The following NUFIP1 variants were observed in gnomAD, a reference collection of about 807,000 sequenced individuals.
The protein encoded by NUFIP1 is FMR1-interacting protein NUFIP1.
In NUFIP1, 38 loss-of-function variants were observed where a neutral mutation model predicts 56.2. That is an observed-to-expected ratio of 0.68 (90% CI 0.52 to 0.89). The LOEUF is 0.89. Ranked by LOEUF, NUFIP1 falls within the 40% of genes least tolerant of loss-of-function variation. NUFIP1 has a pLI of 0.00. For synonymous variants in NUFIP1, 215 were observed against 212.4 expected, an observed-to-expected ratio of 1.01 and a Z score of -0.10; for missense variants, 567 against 605.8, an observed-to-expected ratio of 0.94 and a Z score of 0.67.
intron 1 of NUFIP1, among the ~76,000 whole-genome samples, chr13:44,988,582 G>C (rs1872521594): frequency 6.6e-6 from 1 of 152,168 alleles, no homozygotes; most frequent in African/African-American, 2.4e-5. Flanking sequence ...CTACACAAGA[G>C]AGATAATATT....
intron 5 of NUFIP1, among the ~76,000 whole-genome samples, chr13:44,975,512 C>T (rs1222644389): frequency 5.3e-5 from 8 of 152,124 alleles, no homozygotes; most frequent in Non-Finnish European, 1.5e-5. Flanking sequence ...CCCATTTTCA[C>T]CTCCCAAATG....
intron 5 of NUFIP1, among the ~76,000 whole-genome samples, chr13:44,974,144 A>G (rs1871892471): frequency 1.3e-5 from 2 of 152,196 alleles, no homozygotes; most frequent in Non-Finnish European, 2.9e-5. Context: ...CAAAGAAAAT[A>G]CCCTAAACTT....
At chr13:44,979,375 C>A in intron 4 of NUFIP1, 109 bp from the exon 5 acceptor site, 2 of 792,444 alleles carry the variant, frequency 2.5e-6, no homozygotes, top group South Asian at 1.9e-5. Context: ...ATTTTAAAAC[C>A]AAGTAAGCAG....
In NUFIP1 at chr13:44,941,229, A is replaced by G; in HGVS notation, c.1465T>C (p.Ser489Pro). 6.3e-7 allele frequency: 1 copy of G among 1,599,632 alleles called. No individual in the cohort carries two copies. The highest frequency in any genetic ancestry group is 2.2e-5 in the East Asian group (1 of 44,684). The change falls in exon 10 of 10, where the codon TCT becomes CCT. Residue 489 changes from serine to proline, a missense_variant. By Grantham distance (74) the Ser-to-Pro change is moderately conservative. Coordinates refer to ENST00000379161, the MANE Select transcript of NUFIP1 (RefSeq NM_012345.3). The stretch of plus-strand genomic sequence containing the variant: ...GCCTATACATCTTTACTTTTCGCAG[A>G]ATTAGTATCCAGTCCAAAAAAGTCT... ...KKDFFGLDTN[S>P]AKSKDV
chr13:44,956,231 G>T (rs1871237670), intron 7 of NUFIP1, among the ~76,000 whole-genome samples: 1 of 151,924 alleles, frequency 6.6e-6, no homozygotes, highest in African/African-American at 2.4e-5. Flanking sequence ...TTGGCTGCAT[G>T]CAGTCCATGG....
chr13:44,982,773 G>A (rs1055573997), intron 1 of NUFIP1, among the ~76,000 whole-genome samples: 9 of 152,128 alleles, frequency 5.9e-5, no homozygotes, highest in Non-Finnish European at 1.3e-4. Context: ...TTGGGAGGCT[G>A]AGACAGGAGA....
intron 5 of NUFIP1, among the ~76,000 whole-genome samples, chr13:44,975,522 G>A (rs980244473): frequency 1.3e-5 from 2 of 152,042 alleles, no homozygotes; most frequent in African/African-American, 4.8e-5. Flanking sequence ...CCTCCCAAAT[G>A]TTCTACATCC....
chr13:44,964,631 C>T (rs745612870), intron 6 of NUFIP1, among the ~76,000 whole-genome samples: 8 of 152,098 alleles, frequency 5.3e-5, no homozygotes, highest in Non-Finnish European at 2.9e-5. Flanking sequence ...AGAGAGAGAA[C>T]TCTAGAGATT....
rs137965553 is a variant in NUFIP1, at chr13:44,980,807, G to A, written c.509C>T (p.Pro170Leu). The A allele has an allele frequency of 2.5e-6, 4 of 1,596,154 alleles. No individual in the cohort carries two copies. The African/African-American group carries it at 5.4e-5, about 22-fold the overall frequency. Residue 170 changes from proline (P) to leucine (L), a missense_variant, in exon 3 of 10, where the codon CCA becomes CTA. By Grantham distance (98) the Pro-to-Leu change is moderately conservative. Transcript: ENST00000379161. ...GGTATCACAAAAAAAGTGAAAAACTGGTTCCTTTCTTTTCTGCAAACAAAA... is the reference window on the plus strand; with the variant it reads ...GGTATCACAAAAAAAGTGAAAAACTAGTTCCTTTCTTTTCTGCAAACAAAA... Reference protein sequence around the residue: ...RKQKKKKRKEPVFHFFCDTCD... With the variant: ...RKQKKKKRKELVFHFFCDTCD...
At chr13:44,977,173 T>C (rs933780619) in intron 5 of NUFIP1, among the ~76,000 whole-genome samples, 5 of 152,254 alleles carry the variant, frequency 3.3e-5, no homozygotes, top group African/African-American at 1.2e-4. Context: ...AGTACTTCAG[T>C]CAACAAATAT....
intron 5 of NUFIP1, among the ~76,000 whole-genome samples, chr13:44,970,623 T>C (rs1182591500): frequency 2.6e-5 from 4 of 152,190 alleles, no homozygotes; most frequent in African/African-American, 9.6e-5. Context: ...TTTTTAAAAA[T>C]TGAGAATGAC....
At position 44,943,629 on chromosome 13, in the gene NUFIP1, A is replaced by T; in HGVS notation, c.1184T>A (p.Val395Asp). 6.2e-7 allele frequency: 1 copy of T among 1,613,856 alleles called. No homozygotes were observed. The highest frequency in any genetic ancestry group is 8.5e-7 in the Non-Finnish European group (1 of 1,179,946). Reference sequence around the variant, plus strand: ...ACTCTTAGGAGCACTGCTATCAAGAACCTGGTTTTCTGCCAAAACGTCTGC... The same window carrying T: ...ACTCTTAGGAGCACTGCTATCAAGATCCTGGTTTTCTGCCAAAACGTCTGC... ...TEADVLAENQ[V>D]LDSSAPKSPS... Residue 395 changes from valine to aspartate, a missense_variant, in exon 9 of 10, where the codon GTT becomes GAT. Coordinates refer to ENST00000379161, the MANE Select transcript of NUFIP1 (RefSeq NM_012345.3).
Position 44,966,789 on chromosome 13 carries a change from C to T in NUFIP1, c.735-853G>A, listed in dbSNP as rs114276476. Among the ~76,000 whole-genome samples, 90 of 151,668 alleles carry T rather than the reference C, an allele frequency of 5.9e-4. 1 individual carries two copies. The highest frequency in any genetic ancestry group is 1.9e-3 in the African/African-American group (78 of 41,418). ...AGGAGTTCGAGACCAGCTTGACCTA[C>T]GTAGTGAAATACCATCTCTACTAAA... is the stretch of plus-strand genomic sequence containing the variant. On this transcript the variant is annotated intron_variant, in intron 5 of 9. Transcript: ENST00000379161.
Position 44,979,933 on chromosome 13 carries a change from G to C in NUFIP1, c.614C>G (p.Ser205Cys), listed in dbSNP as rs761500247. The C allele has an allele frequency of 2.2e-5, 36 of 1,601,748 alleles. No individual in the cohort carries two copies. The highest frequency in any genetic ancestry group is 3.1e-5 in the Non-Finnish European group (36 of 1,176,290). Residue 205 changes from serine (S) to cysteine (C), a missense_variant, in exon 4 of 10, where the codon TCT (serine) becomes TGT (cysteine). By Grantham distance (112) the Ser-to-Cys change is moderately radical (BLOSUM62 -1). Coordinates refer to ENST00000379161, the MANE Select transcript of NUFIP1 (RefSeq NM_012345.3). ...GACAATCTTCTCGTGTGCAGTAAAA[G>C]AGCAATCTAATTCAGGGCACTATGA... ...EHTKCPELDC[S>C]FTAHEKIVQF... is the part of the protein sequence containing the mutation.
intron 5 of NUFIP1, 73 bp downstream of exon 5, chr13:44,979,117 C>A: frequency 1.7e-6 from 2 of 1,172,362 alleles, no homozygotes; most frequent in East Asian, 4.7e-5. Flanking sequence ...TAAGGGAATT[C>A]AATGAATTTA....
At chr13:44,978,639 C>T (rs147220178) in intron 5 of NUFIP1, among the ~76,000 whole-genome samples, 18 of 152,244 alleles carry the variant, frequency 1.2e-4, no homozygotes, top group African/African-American at 3.6e-4. Context: ...GAATGAATTC[C>T]TGATCTTCTC....
chr13:44,977,081 TC>T (rs34872832), intron 5 of NUFIP1, among the ~76,000 whole-genome samples: 79,815 of 152,114 alleles, frequency 0.52, 25,583 homozygotes, highest in Non-Finnish European at 0.7. Flanking sequence ...CCACACTCCT[TC>T]AACTTCTAAG....
chr13:44,979,184 A>G lies in NUFIP1; in HGVS notation c.734+6T>C. 3 of 1,601,378 alleles carry G rather than the reference A, an allele frequency of 1.9e-6. No individual in the cohort carries two copies. The highest frequency in any genetic ancestry group is 2.6e-6 in the Non-Finnish European group (3 of 1,169,524). On this transcript the variant is annotated splice_donor_region_variant and intron_variant, in intron 5 of 9. Transcript: ENST00000379161. ...AGTTATTTCACCAGTTCTGAACTCT[A>G]CTCACTTCCTTCTTTCTTCCCTCCA... is the stretch of plus-strand genomic sequence containing the variant.
intron 6 of NUFIP1, among the ~76,000 whole-genome samples, chr13:44,960,487 G>C (rs1404925796): frequency 6.6e-6 from 1 of 151,892 alleles, no homozygotes; most frequent in African/African-American, 2.4e-5. Flanking sequence ...GGATGGTCTC[G>C]AACTCCTGAC....
Sources: allele counts gnomAD v4.1 joint callset (sites outside exome capture counted in the v4.1 genomes callset), GRCh38; gene constraint gnomAD v4.1.1; transcripts MANE v1.5; gene names NCBI Gene and HGNC (gene_info 2026-07-23, HGNC 2026-07-21).